Variants in CSMD1 observed in about 807,000 individuals in gnomAD.
The protein encoded by CSMD1 is CUB and sushi domain-containing protein 1.
In CSMD1, 213 loss-of-function variants were observed where a neutral mutation model predicts 417.5. The observed-to-expected ratio is 0.51, with a 90% CI of 0.46 to 0.57. The LOEUF is 0.57. Among genes scored for constraint, CSMD1 ranks in the 20% least tolerant of loss-of-function variants. The pLI is 0.00. For missense variants in CSMD1, 6,923 were observed against 4,529.7 expected (o/e 1.53, Z -15.17); for synonymous variants, 2,862 against 1,736.8 (o/e 1.65, Z -16.11).
At chr8:2,942,291 A>C (rs535431183) in intron 69 of CSMD1, among the ~76,000 whole-genome samples, 181 bp downstream of exon 69, 1 of 152,180 alleles carries the variant, frequency 6.6e-6, no homozygotes, top group Admixed American at 6.5e-5. Context: ...ACTAGGTAAC[A>C]AACCTGCACA....
chr8:3,521,146 T>G (rs1014155410), intron 10 of CSMD1, among the ~76,000 whole-genome samples: 1 of 147,928 alleles, frequency 6.8e-6, no homozygotes, highest in Non-Finnish European at 1.5e-5. Flanking sequence ...TCCTACACAC[T>G]GAAAATGAAT....
intron 9 of CSMD1, among the ~76,000 whole-genome samples, chr8:3,584,446 C>G (rs915243437): frequency 6.6e-6 from 1 of 152,092 alleles, no homozygotes; most frequent in East Asian, 1.9e-4. Flanking sequence ...TATCTCTAAG[C>G]GTGAGTAGCT....
intron 30 of CSMD1, among the ~76,000 whole-genome samples, chr8:3,211,917 A>G (rs950155498): frequency 2.0e-5 from 3 of 152,178 alleles, no homozygotes; most frequent in African/African-American, 7.2e-5. Flanking sequence ...TGGCAAGACA[A>G]GAGGGGGTGG....
intron 3 of CSMD1, among the ~76,000 whole-genome samples, chr8:4,264,254 G>T (rs185701918): frequency 6.6e-6 from 1 of 152,100 alleles, no homozygotes; most frequent in East Asian, 1.9e-4. Flanking sequence ...ATAATTTTAA[G>T]AATAGACTCA....
rs149515783 is a variant in CSMD1, at chr8:4,395,757, T to TAAA, written c.415+24193_415+24195dup. Among the ~76,000 whole-genome samples, 103 of 151,064 alleles carry TAAA rather than the reference T, an allele frequency of 6.8e-4. 1 individual carries two copies. The highest frequency in any genetic ancestry group is 2.3e-3 in the African/African-American group (94 of 41,232). On this transcript the variant is annotated intron_variant, in intron 3 of 69. Coordinates refer to ENST00000635120, the MANE Select transcript of CSMD1 (RefSeq NM_033225.6). ...AATGTTTCTGCTGTGTAAGCATTTG[T>TAAA]AAAAAAAAATGCTAAGTGGAAGAAG...
At chr8:4,864,816 T>G (rs2116888181) in intron 1 of CSMD1, among the ~76,000 whole-genome samples, 1 of 151,376 alleles carries the variant, frequency 6.6e-6, no homozygotes, top group Non-Finnish European at 1.5e-5. Context: ...CTGTAATCTT[T>G]TCATTGTATA....
intron 2 of CSMD1, among the ~76,000 whole-genome samples, chr8:4,454,664 C>G (rs1799362190): frequency 6.6e-6 from 1 of 152,154 alleles, no homozygotes; most frequent in African/African-American, 2.4e-5. Flanking sequence ...CTTCCAGGTC[C>G]TATTATCTTA....
At chr8:3,797,691 C>A (rs148171145) in intron 5 of CSMD1, among the ~76,000 whole-genome samples, 1 of 151,852 alleles carries the variant, frequency 6.6e-6, no homozygotes, top group Admixed American at 6.6e-5. Flanking sequence ...GATTGTTTCA[C>A]CTTTTGGCTA....
chr8:4,788,203 G>C (rs1797511182), intron 1 of CSMD1: 6 of 1,592,506 alleles, frequency 3.8e-6, no homozygotes, highest in Non-Finnish European at 5.2e-6. Context: ...TGTGAACTTT[G>C]AGTAACATCT....
intron 5 of CSMD1, among the ~76,000 whole-genome samples, chr8:3,780,217 A>T (rs571192252): frequency 6.6e-6 from 1 of 152,352 alleles, no homozygotes; most frequent in Non-Finnish European, 1.5e-5. Flanking sequence ...CTCTGTAAGT[A>T]CACTGGCATT....
chr8:3,538,928 G>C (rs1334292134), intron 10 of CSMD1, among the ~76,000 whole-genome samples: 1 of 152,174 alleles, frequency 6.6e-6, no homozygotes, highest in Non-Finnish European at 1.5e-5. Flanking sequence ...AGCCGCCAGA[G>C]CAACGTTTGT....
chr8:3,930,742 T>A (rs1431707424), intron 5 of CSMD1, among the ~76,000 whole-genome samples: 1 of 150,450 alleles, frequency 6.6e-6, no homozygotes, highest in Non-Finnish European at 1.5e-5. Context: ...TAAATTTATG[T>A]TCAAGTGCTA....
At chr8:3,745,857 C>G (rs1220169143) in intron 6 of CSMD1, among the ~76,000 whole-genome samples, 1 of 152,158 alleles carries the variant, frequency 6.6e-6, no homozygotes, top group Non-Finnish European at 1.5e-5. Context: ...TGTGGTTTCC[C>G]CACATTATCA....
intron 6 of CSMD1, among the ~76,000 whole-genome samples, chr8:3,731,110 A>G (rs1796226758): frequency 6.6e-6 from 1 of 152,150 alleles, no homozygotes. Context: ...TGTCGAGCAC[A>G]CCCCAGAACA....
chr8:3,308,243 C>A, intron 24 of CSMD1, 69 bp downstream of exon 24: 1 of 1,211,036 alleles, frequency 8.3e-7, no homozygotes. Flanking sequence ...TAAAGGAAGT[C>A]AATGCAACAT....
At chr8:3,060,901 G>A (rs1259203153) in intron 49 of CSMD1, among the ~76,000 whole-genome samples, 5 of 152,140 alleles carry the variant, frequency 3.3e-5, no homozygotes, top group Admixed American at 6.6e-5. Context: ...TCCTCTCTCC[G>A]GAGGAGAGAT....
intron 3 of CSMD1, among the ~76,000 whole-genome samples, chr8:4,379,704 C>T (rs1016148614): frequency 1.4e-4 from 8 of 57,572 alleles, no homozygotes; most frequent in African/African-American, 1.7e-4. Context: ...GCAACAATGG[C>T]GGGAAGAGGG....
At chr8:3,622,017 G>GTA (rs71534363) in intron 7 of CSMD1, among the ~76,000 whole-genome samples, 1 of 151,100 alleles carries the variant, frequency 6.6e-6, no homozygotes, top group Non-Finnish European at 1.5e-5. Context: ...GTGTGTGTGT[G>GTA]TTTGAATAGG....
intron 12 of CSMD1, among the ~76,000 whole-genome samples, chr8:3,465,588 C>G (rs1482573199): frequency 6.6e-6 from 1 of 152,116 alleles, no homozygotes; most frequent in African/African-American, 2.4e-5. Context: ...AGACCGTGAA[C>G]ATCTTAGGGT....
Sources: allele counts gnomAD v4.1 joint callset (sites outside exome capture counted in the v4.1 genomes callset), GRCh38; gene constraint gnomAD v4.1.1; transcripts MANE v1.5; gene names NCBI Gene and HGNC (gene_info 2026-07-23, HGNC 2026-07-21).